The following FSTL4 variants were observed in gnomAD, a reference collection of about 807,000 sequenced individuals.
FSTL4 encodes the protein follistatin-related protein 4.
Under a neutral mutation model 78.2 loss-of-function variants are expected in FSTL4, and 28 were observed. The ratio of observed to expected loss-of-function variants is 0.36; its 90% CI spans 0.27 to 0.49. The LOEUF (loss-of-function observed/expected upper bound fraction) is 0.49, where lower values mean the gene tolerates loss of function less well. Ranked by LOEUF, FSTL4 falls within the 20% of genes least tolerant of loss-of-function variation. FSTL4 has a pLI of 0.98. For synonymous variants in FSTL4, 422 were observed against 440.5 expected, an observed-to-expected ratio of 0.96 and a Z score of 0.53; for missense variants, 922 against 1,084.9, an observed-to-expected ratio of 0.85 and a Z score of 2.11.
chr5:133,425,434 C>T (rs1018584517), intron 3 of FSTL4, among the ~76,000 whole-genome samples: 1 of 152,122 alleles, frequency 6.6e-6, no homozygotes, highest in Non-Finnish European at 1.5e-5. Context: ...TTTAACAATG[C>T]CCCACAGCAG....
At chr5:133,681,544 G>A in the FSTL4 span, among the ~76,000 whole-genome samples, 1 of 152,090 alleles carries the variant, frequency 6.6e-6, no homozygotes, top group Non-Finnish European at 1.5e-5. Context: ...AGGGGAGAAT[G>A]TCTGATCATC....
chr5:133,793,180 A>C, the FSTL4 span, among the ~76,000 whole-genome samples: 4 of 152,162 alleles, frequency 2.6e-5, no homozygotes, highest in Non-Finnish European at 4.4e-5. Context: ...GGGAGGGACC[A>C]CCCTCTTGGT....
chr5:133,747,477 T>C, the FSTL4 span, among the ~76,000 whole-genome samples: 1 of 152,046 alleles, frequency 6.6e-6, no homozygotes, highest in African/African-American at 2.4e-5. Context: ...CAACCTCTCA[T>C]TGTACAGAGA....
intron 3 of FSTL4, among the ~76,000 whole-genome samples, chr5:133,562,499 T>C (rs780202688): frequency 2.0e-5 from 3 of 152,196 alleles, no homozygotes; most frequent in Admixed American, 6.5e-5. Flanking sequence ...TTAGGAGATC[T>C]GCACTGCAAA....
the FSTL4 span, among the ~76,000 whole-genome samples, chr5:133,750,175 A>C: frequency 6.6e-6 from 1 of 152,172 alleles, no homozygotes; most frequent in Admixed American, 6.5e-5. Context: ...AAGAGAGGAC[A>C]ATACTGGAAG....
chr5:133,684,251 T>C, the FSTL4 span, among the ~76,000 whole-genome samples: 1 of 152,234 alleles, frequency 6.6e-6, no homozygotes, highest in Non-Finnish European at 1.5e-5. Context: ...TCACCTTGTC[T>C]GGGCAGCTTC....
At chr5:133,691,676 T>C in the FSTL4 span, among the ~76,000 whole-genome samples, 1 of 151,878 alleles carries the variant, frequency 6.6e-6, no homozygotes, top group African/African-American at 2.4e-5. Context: ...CTGGGGTGAA[T>C]GGAGGGAGGG....
chr5:133,428,828 G>A (rs566719866), intron 3 of FSTL4, among the ~76,000 whole-genome samples: 2 of 152,312 alleles, frequency 1.3e-5, no homozygotes, highest in South Asian at 4.1e-4. Flanking sequence ...GGGCTGGCAT[G>A]TAGTGGGCAT....
chr5:133,493,952 T>C (rs959610036), intron 3 of FSTL4, among the ~76,000 whole-genome samples: 17 of 152,146 alleles, frequency 1.1e-4, no homozygotes, highest in African/African-American at 4.1e-4. Context: ...CCCCAGCCAA[T>C]CACTGCTTCA....
the FSTL4 span, among the ~76,000 whole-genome samples, chr5:133,815,164 A>G: frequency 2.0e-5 from 3 of 152,222 alleles, no homozygotes; most frequent in African/African-American, 7.2e-5. Flanking sequence ...GAAGATTCTA[A>G]CAGGTCAGGC....
intron 4 of FSTL4, among the ~76,000 whole-genome samples, chr5:133,320,127 G>C (rs1309637528): frequency 6.6e-6 from 1 of 152,154 alleles, no homozygotes. Flanking sequence ...GAGGTGGAGT[G>C]GGGGAGGGAA....
rs747353180 is a variant in FSTL4 at position 133,225,833 on chromosome 5, T to C, written c.1016-14A>G. 1 of 1,544,570 alleles carries C rather than the reference T, an allele frequency of 6.5e-7. No individual in the cohort carries two copies. Among genetic ancestry groups the C allele is most frequent in the Non-Finnish European group, 8.7e-7 (1 of 1,147,320 alleles). Reference sequence around the variant, plus strand: ...TGACTGGCGGCACTGTGGGTGAGAGTCAGTGCTGGTGAGAAAGAGACGGCC... The same window carrying C: ...TGACTGGCGGCACTGTGGGTGAGAGCCAGTGCTGGTGAGAAAGAGACGGCC... On this transcript the variant is annotated splice_polypyrimidine_tract_variant and intron_variant, in intron 8 of 15. Coordinates refer to ENST00000265342, the MANE Select transcript of FSTL4 (RefSeq NM_015082.2). This position sits in a 1 kb window ranked among gnomAD's most constrained non-coding sequence, Gnocchi z 4.6.
chr5:133,314,884 C>T (rs908446327), intron 5 of FSTL4, among the ~76,000 whole-genome samples: 1 of 152,154 alleles, frequency 6.6e-6, no homozygotes, highest in African/African-American at 2.4e-5. Context: ...ACCATGTGGC[C>T]AGGCACAGTG....
At chr5:133,774,613 T>G in the FSTL4 span, among the ~76,000 whole-genome samples, 1 of 152,192 alleles carries the variant, frequency 6.6e-6, no homozygotes. Context: ...CTCTTAAAAT[T>G]TGTTTGCTGG....
At chr5:133,625,748 A>T in the FSTL4 span, among the ~76,000 whole-genome samples, 224 of 66,488 alleles carry the variant, frequency 3.4e-3, 26 homozygotes, top group African/African-American at 0.021. Context: ...TATATATTCC[A>T]TATATATATT....
In FSTL4 at chr5:133,579,998, G is replaced by T. The variant is rs146663995; in HGVS notation, c.127-12779C>A. Among the ~76,000 whole-genome samples the T allele has an allele frequency of 3.8e-3, 571 of 152,236 alleles. 3 individuals carry two copies. Among genetic ancestry groups the T allele is most frequent in the African/African-American group, 0.013 (548 of 41,538 alleles). On this transcript the variant is annotated intron_variant, in intron 2 of 15. Coordinates refer to ENST00000265342, the MANE Select transcript of FSTL4 (RefSeq NM_015082.2). Reference sequence around the variant, plus strand: ...ACTGGGTGCAAGTGGCGTCTGATTGGGATAAGCTGAAAACACCCAAAGTGG... The same window carrying T: ...ACTGGGTGCAAGTGGCGTCTGATTGTGATAAGCTGAAAACACCCAAAGTGG...
the FSTL4 span, among the ~76,000 whole-genome samples, chr5:133,637,006 G>A: frequency 1.3e-5 from 2 of 152,168 alleles, no homozygotes; most frequent in Non-Finnish European, 2.9e-5. Context: ...TGTTTGGCTG[G>A]AGTGGAAGCA....
the FSTL4 span, among the ~76,000 whole-genome samples, chr5:133,693,025 A>G: frequency 6.6e-6 from 1 of 152,210 alleles, no homozygotes; most frequent in Non-Finnish European, 1.5e-5. Context: ...CAGAACTACA[A>G]CAGTGCCTGG....
intron 4 of FSTL4, among the ~76,000 whole-genome samples, chr5:133,392,330 G>A (rs1383839778): frequency 1.3e-5 from 2 of 152,124 alleles, no homozygotes; most frequent in South Asian, 2.1e-4. Context: ...AGCCCCAGGG[G>A]AAATACCTGG....
Sources: gnomAD v4.1 joint callset for allele counts (sites outside exome capture counted in the v4.1 genomes callset) on GRCh38, gnomAD v4.1.1 for gene constraint, Gnocchi (gnomAD v3.1) non-coding constraint, MANE v1.5 for transcripts, NCBI Gene and HGNC (gene_info 2026-07-23, HGNC 2026-07-21) for gene names.